The following FSTL4 variants were observed in gnomAD, a reference collection of about 807,000 sequenced individuals.
FSTL4 encodes follistatin-related protein 4.
FSTL4 carries 28 observed loss-of-function variants against 78.2 expected under a neutral mutation model. The observed-to-expected ratio is 0.36, with a 90% CI of 0.27 to 0.49. FSTL4 has a LOEUF of 0.49. Ranked by LOEUF, FSTL4 falls within the 20% of genes least tolerant of loss-of-function variation. The pLI, the probability that FSTL4 is intolerant of heterozygous loss-of-function variation, is 0.98. For missense variants in FSTL4, 922 were observed against 1,084.9 expected (o/e 0.85, Z 2.11); for synonymous variants, 422 against 440.5 (o/e 0.96, Z 0.53).
chr5:133,530,167 G>A (rs1404087890), intron 3 of FSTL4, among the ~76,000 whole-genome samples: 1 of 152,156 alleles, frequency 6.6e-6, no homozygotes, highest in Non-Finnish European at 1.5e-5. Flanking sequence ...ACCCTGGGGT[G>A]CTGTAAAACC....
chr5:133,692,260 C>T, the FSTL4 span, among the ~76,000 whole-genome samples: 28 of 152,250 alleles, frequency 1.8e-4, no homozygotes, highest in African/African-American at 6.0e-4. Flanking sequence ...GGCACATTCA[C>T]GCCCCCAAGA....
the FSTL4 span, among the ~76,000 whole-genome samples, chr5:133,737,628 G>A: frequency 0.33 from 43,387 of 133,386 alleles, 7,322 homozygotes; most frequent in East Asian, 0.61. Flanking sequence ...TTTTTGAGAC[G>A]GAGTCTCACT....
At chr5:133,472,178 T>G (rs1316478247) in intron 3 of FSTL4, among the ~76,000 whole-genome samples, 1 of 152,230 alleles carries the variant, frequency 6.6e-6, no homozygotes, top group African/African-American at 2.4e-5. Context: ...ATATAGCAGT[T>G]ATACTATCTT....
intron 4 of FSTL4, among the ~76,000 whole-genome samples, chr5:133,347,772 C>T (rs1007926466): frequency 6.6e-6 from 1 of 152,208 alleles, no homozygotes; most frequent in African/African-American, 2.4e-5. Context: ...ACAAAACCTC[C>T]CTTACTATTC....
intron 4 of FSTL4, among the ~76,000 whole-genome samples, chr5:133,349,295 C>G (rs375951061): frequency 0.046 from 6,466 of 139,636 alleles, 487 homozygotes; most frequent in African/African-American, 0.16. Context: ...GCCTCTCTCT[C>G]TGTGTGTGTG....
At chr5:133,814,374 C>T in the FSTL4 span, among the ~76,000 whole-genome samples, 14,791 of 152,144 alleles carry the variant, frequency 0.097, 933 homozygotes, top group East Asian at 0.2. Context: ...GAAACTGAAT[C>T]GGGCAGGAGT....
intron 6 of FSTL4, among the ~76,000 whole-genome samples, chr5:133,251,620 CAG>C (rs1005994960): frequency 4.6e-5 from 7 of 152,098 alleles, no homozygotes; most frequent in Non-Finnish European, 7.3e-5. Flanking sequence ...GAACTTTAGT[CAG>C]AGAGATGGAT....
the FSTL4 span, among the ~76,000 whole-genome samples, chr5:133,723,019 T>C: frequency 0.067 from 10,139 of 152,250 alleles, 445 homozygotes; most frequent in Middle Eastern, 0.14. Flanking sequence ...GTGATTTCTC[T>C]TGGTGTTGGG....
chr5:133,596,300 G>A (rs1391806877), intron 2 of FSTL4, among the ~76,000 whole-genome samples: 1 of 152,206 alleles, frequency 6.6e-6, no homozygotes, highest in Non-Finnish European at 1.5e-5. Context: ...TTGTGCTGGA[G>A]GCGTCTGTCA....
At position 133,236,324 on chromosome 5, in the gene FSTL4, C is replaced by A. The variant is rs1751659526; in HGVS notation, c.895-2787G>T. Among the ~76,000 whole-genome samples the A allele has an allele frequency of 6.6e-6, 1 of 152,142 alleles. No individual in the cohort carries two copies. Among genetic ancestry groups the A allele is most frequent in the African/African-American group, 2.4e-5 (1 of 41,416 alleles). ...AAGGCCACTGTTCCCAGATATCAAC[C>A]TCAGGTTGATACCCATTAATACCAA... is the stretch of plus-strand genomic sequence containing the variant. On this transcript the variant is annotated intron_variant, in intron 7 of 15. Coordinates refer to ENST00000265342, the MANE Select transcript of FSTL4 (RefSeq NM_015082.2). The surrounding 1 kb of genome is among the most constrained non-coding windows in gnomAD (Gnocchi z 5.0).
intron 4 of FSTL4, among the ~76,000 whole-genome samples, chr5:133,372,249 G>GTATCTATGTATT (rs1386103768): frequency 7.2e-6 from 1 of 138,430 alleles, no homozygotes; most frequent in Non-Finnish European, 1.5e-5. Flanking sequence ...ATGTATCTAT[G>GTATCTATGTATT]TATGTATGTA....
At chr5:133,543,006 C>T (rs1193235779) in intron 3 of FSTL4, among the ~76,000 whole-genome samples, 1 of 151,528 alleles carries the variant, frequency 6.6e-6, no homozygotes, top group Non-Finnish European at 1.5e-5. Flanking sequence ...GTTTACTCTG[C>T]TACTCTTTTC....
the FSTL4 span, among the ~76,000 whole-genome samples, chr5:133,824,046 C>T: frequency 6.6e-6 from 1 of 152,244 alleles, no homozygotes; most frequent in Non-Finnish European, 1.5e-5. Flanking sequence ...CCCACACCAC[C>T]CAGGCACTCA....
At chr5:133,695,359 C>T in the FSTL4 span, among the ~76,000 whole-genome samples, 5 of 152,206 alleles carry the variant, frequency 3.3e-5, no homozygotes, top group Admixed American at 2.0e-4. Context: ...CAAGCACCCT[C>T]ACCCACACTA....
At chr5:133,678,419 G>T in the FSTL4 span, among the ~76,000 whole-genome samples, 1 of 152,172 alleles carries the variant, frequency 6.6e-6, no homozygotes, top group African/African-American at 2.4e-5. Context: ...GATGGAATTT[G>T]CTGACAGCTT....
At chr5:133,497,240 C>G (rs1040238565) in intron 3 of FSTL4, among the ~76,000 whole-genome samples, 1 of 152,240 alleles carries the variant, frequency 6.6e-6, no homozygotes, top group African/African-American at 2.4e-5. Context: ...GCTCTAGGCT[C>G]AGGCACATCT....
Position 133,426,918 on chromosome 5 carries a change from C to A in FSTL4, c.161-25932G>T, listed in dbSNP as rs931811807. ...TTTCAGGTTCTAAAACAACCTAAAT[C>A]TCAGCATGTCTTATGTTCTCAGTGT... On this transcript the variant is annotated intron_variant, in intron 3 of 15. Coordinates refer to ENST00000265342, the MANE Select transcript of FSTL4 (RefSeq NM_015082.2). This position sits in a 1 kb window ranked among gnomAD's most constrained non-coding sequence, Gnocchi z 5.0. Among the ~76,000 whole-genome samples the A allele has an allele frequency of 2.6e-5, 4 of 152,172 alleles. No homozygotes were observed. Among genetic ancestry groups the A allele is most frequent in the African/African-American group, 7.2e-5 (3 of 41,444 alleles).
chr5:133,665,566 C>T, the FSTL4 span, among the ~76,000 whole-genome samples: 1 of 152,168 alleles, frequency 6.6e-6, no homozygotes, highest in Non-Finnish European at 1.5e-5. Context: ...CCAGATATTG[C>T]CTTGACCTGT....
intron 6 of FSTL4, among the ~76,000 whole-genome samples, chr5:133,285,927 C>T (rs957774878): frequency 1.3e-5 from 2 of 152,224 alleles, no homozygotes; most frequent in Admixed American, 6.5e-5. Context: ...GCCCAGAGCA[C>T]GAAGTCCTAG....
Sources: gnomAD v4.1 joint callset for allele counts (sites outside exome capture counted in the v4.1 genomes callset) on GRCh38, gnomAD v4.1.1 for gene constraint, Gnocchi (gnomAD v3.1) non-coding constraint, MANE v1.5 for transcripts, NCBI Gene and HGNC (gene_info 2026-07-23, HGNC 2026-07-21) for gene names.